Variants in FHIP1A observed in about 807,000 individuals in gnomAD.
FHIP1A encodes the protein FHF complex subunit HOOK-interacting protein 1A.
FHIP1A carries 61 observed loss-of-function variants against 88.6 expected under a neutral mutation model. That is an observed-to-expected ratio of 0.69 (90% CI 0.56 to 0.85). The LOEUF (loss-of-function observed/expected upper bound fraction) is 0.85, where lower values mean the gene tolerates loss of function less well. FHIP1A is among the 40% of genes least tolerant of loss of function. The pLI, the probability that FHIP1A is intolerant of heterozygous loss-of-function variation, is 0.00. For missense variants in FHIP1A, 1,154 were observed against 1,273.5 expected, an observed-to-expected ratio of 0.91 and a Z score of 1.43; for synonymous variants, 478 against 496.0, an observed-to-expected ratio of 0.96 and a Z score of 0.48.
At chr4:151,468,284 CA>C (rs921242622) in intron 2 of FHIP1A, among the ~76,000 whole-genome samples, 322 of 38,312 alleles carry the variant, frequency 8.4e-3, no homozygotes, top group African/African-American at 0.022. Flanking sequence ...GACTCCATCT[CA>C]AAAAAAAAAA....
intron 3 of FHIP1A, among the ~76,000 whole-genome samples, chr4:151,555,425 C>T (rs1732909331): frequency 6.6e-6 from 1 of 152,048 alleles, no homozygotes; most frequent in East Asian, 1.9e-4. Context: ...CTTGACTATG[C>T]CCCCACTTAC....
At chr4:151,537,788 C>CT (rs1328300961) in intron 3 of FHIP1A, among the ~76,000 whole-genome samples, 7 of 152,160 alleles carry the variant, frequency 4.6e-5, no homozygotes, top group African/African-American at 1.7e-4. Flanking sequence ...TTGTTAACAA[C>CT]TAGACTATTG....
At position 151,494,711 on chromosome 4, in the gene FHIP1A, T is replaced by C. The variant is rs1408168976; in HGVS notation, c.-123+12063T>C. 2.0e-5 allele frequency among the ~76,000 whole-genome samples: 3 copies of C among 152,218 alleles called. No individual in the cohort carries two copies. In the East Asian group the frequency reaches 5.8e-4, roughly 29 times the overall value. On this transcript the variant is annotated intron_variant, in intron 3 of 13. Coordinates refer to ENST00000435205, the MANE Select transcript of FHIP1A (RefSeq NM_001109977.3). The stretch of plus-strand genomic sequence containing the variant: ...CTTTTTTCTAATTTTATGAAGAATG[T>C]CATTGGTAGTTTGACAGGAATAGCA...
At chr4:151,464,683 A>G (rs1729248355) in intron 2 of FHIP1A, among the ~76,000 whole-genome samples, 1 of 152,188 alleles carries the variant, frequency 6.6e-6, no homozygotes, top group African/African-American at 2.4e-5. Flanking sequence ...CTTATTGTGT[A>G]TCTTGAATGT....
intron 1 of FHIP1A, among the ~76,000 whole-genome samples, chr4:151,448,086 A>ATT: frequency 6.9e-6 from 1 of 143,924 alleles, no homozygotes; most frequent in South Asian, 2.2e-4. Context: ...TTTTTTTGGT[A>ATT]TTTTTTTTTT....
At chr4:151,427,142 GA>G (rs1353979732) in intron 1 of FHIP1A, among the ~76,000 whole-genome samples, 14 of 152,102 alleles carry the variant, frequency 9.2e-5, no homozygotes, top group African/African-American at 3.4e-4. Context: ...TTTAAGGAAA[GA>G]AAACAATTCA....
intron 4 of FHIP1A, among the ~76,000 whole-genome samples, chr4:151,576,364 G>C (rs556279840): frequency 2.0e-5 from 3 of 152,252 alleles, no homozygotes; most frequent in African/African-American, 7.2e-5. Context: ...TGCCCAGGCT[G>C]GAGTGCAATG....
At chr4:151,492,093 G>A (rs752511287) in intron 3 of FHIP1A, among the ~76,000 whole-genome samples, 9 of 152,190 alleles carry the variant, frequency 5.9e-5, no homozygotes, top group East Asian at 3.9e-4. Context: ...TAGACAGGTC[G>A]TCAAGACAGA....
intron 5 of FHIP1A, among the ~76,000 whole-genome samples, chr4:151,583,984 A>G (rs1002990677): frequency 2.0e-5 from 3 of 152,194 alleles, no homozygotes; most frequent in Non-Finnish European, 4.4e-5. Context: ...TCCGTACTTA[A>G]CATAGTACCT....
At chr4:151,623,617 A>G (rs1278749603) in intron 7 of FHIP1A, among the ~76,000 whole-genome samples, 4 of 135,690 alleles carry the variant, frequency 2.9e-5, no homozygotes, top group African/African-American at 1.1e-4. Context: ...AGTCCTTTCT[A>G]TGTGTTGAGA....
At chr4:151,596,287 T>C (rs1234039434) in intron 7 of FHIP1A, among the ~76,000 whole-genome samples, 1 of 152,208 alleles carries the variant, frequency 6.6e-6, no homozygotes. Flanking sequence ...CTTAGGAAGC[T>C]TACTTTGGCT....
chr4:151,632,379 C>T (rs1736188076), intron 8 of FHIP1A, among the ~76,000 whole-genome samples: 1 of 151,722 alleles, frequency 6.6e-6, no homozygotes, highest in African/African-American at 2.4e-5. Flanking sequence ...GACAGCTGCA[C>T]AATAATAGTA....
At chr4:151,467,825 G>A (rs961996446) in intron 2 of FHIP1A, among the ~76,000 whole-genome samples, 4 of 152,060 alleles carry the variant, frequency 2.6e-5, no homozygotes, top group Admixed American at 2.6e-4. Flanking sequence ...ACCAGGACCT[G>A]TCAGGGGGTG....
intron 3 of FHIP1A, among the ~76,000 whole-genome samples, chr4:151,544,346 T>C (rs554345560): frequency 6.6e-6 from 1 of 152,348 alleles, no homozygotes; most frequent in African/African-American, 2.4e-5. Flanking sequence ...CTGGCTTCAC[T>C]TACAGTGAGA....
chr4:151,579,458 C>T (rs754387760), intron 5 of FHIP1A, among the ~76,000 whole-genome samples: 1 of 152,106 alleles, frequency 6.6e-6, no homozygotes, highest in Non-Finnish European at 1.5e-5. Flanking sequence ...GGGAGCTATA[C>T]GTGGTTTGGG....
chr4:151,653,929 G>A (rs1484742679), intron 11 of FHIP1A, among the ~76,000 whole-genome samples: 2 of 152,122 alleles, frequency 1.3e-5, no homozygotes, highest in African/African-American at 2.4e-5. Context: ...TTGTGAGGTG[G>A]GGAGTCTATC....
intron 7 of FHIP1A, among the ~76,000 whole-genome samples, chr4:151,590,684 C>T (rs1462327757): frequency 6.6e-6 from 1 of 152,196 alleles, no homozygotes; most frequent in Non-Finnish European, 1.5e-5. Context: ...TGTTAAAGTG[C>T]CAACAGAGTG....
At chr4:151,511,347 G>A (rs1731020817) in intron 3 of FHIP1A, among the ~76,000 whole-genome samples, 1 of 152,310 alleles carries the variant, frequency 6.6e-6, no homozygotes, top group African/African-American at 2.4e-5. Flanking sequence ...ACAGCTCCTA[G>A]TGTGAGCGAC....
chr4:151,451,849 CTCTA>C (rs761936900), intron 1 of FHIP1A, among the ~76,000 whole-genome samples: 30 of 140,188 alleles, frequency 2.1e-4, no homozygotes, highest in Non-Finnish European at 4.1e-4. Context: ...CAGGGTTTTG[CTCTA>C]TCTGTTGCCC....
Sources: gnomAD v4.1 joint callset for allele counts (sites outside exome capture counted in the v4.1 genomes callset) on GRCh38, gnomAD v4.1.1 for gene constraint, MANE v1.5 for transcripts, NCBI Gene and HGNC (gene_info 2026-07-23, HGNC 2026-07-21) for gene names.